Variants in SFMBT2 observed in about 807,000 individuals in gnomAD.
SFMBT2 encodes the protein Scm like with four mbt domains 2.
SFMBT2 carries 38 observed loss-of-function variants against 110.1 expected under a neutral mutation model. That is an observed-to-expected ratio of 0.35 (90% CI 0.27 to 0.45). The LOEUF (loss-of-function observed/expected upper bound fraction) is 0.45. SFMBT2 is among the 20% of genes least tolerant of loss of function. The probability of loss-of-function intolerance (pLI) is 1.00; values close to 1 mark genes in which losing one functional copy is unlikely to be tolerated. For synonymous variants in SFMBT2, 425 were observed against 425.4 expected (o/e 1.00, Z 0.01); for missense variants, 1,011 against 1,094.9 (o/e 0.92, Z 1.08).
intron 15 of SFMBT2, among the ~76,000 whole-genome samples, chr10:7,192,579 C>A (rs1411932776): frequency 6.6e-6 from 1 of 152,214 alleles, no homozygotes; most frequent in Non-Finnish European, 1.5e-5. Context: ...ACATGACAGA[C>A]TCCCCAGATG....
intron 6 of SFMBT2, chr10:7,277,319 A>G (rs1444601983): frequency 4.9e-6 from 1 of 206,036 alleles, no homozygotes; most frequent in African/African-American, 2.3e-5. Flanking sequence ...ATGGGCCAAA[A>G]TTCCACCTAT....
At chr10:7,264,701 A>T (rs1283691382) in intron 7 of SFMBT2, among the ~76,000 whole-genome samples, 1 of 152,002 alleles carries the variant, frequency 6.6e-6, no homozygotes, top group African/African-American at 2.4e-5. Context: ...AGCTACATAC[A>T]CTCCTGAGAA....
chr10:7,395,762 T>C (rs905531476), intron 1 of SFMBT2, among the ~76,000 whole-genome samples: 6 of 152,182 alleles, frequency 3.9e-5, no homozygotes, highest in Non-Finnish European at 8.8e-5. Flanking sequence ...GTTTTTGTTA[T>C]GTGGATGTAA....
intron 2 of SFMBT2, among the ~76,000 whole-genome samples, chr10:7,378,850 G>A (rs1845346990): frequency 6.6e-6 from 1 of 151,838 alleles, no homozygotes; most frequent in East Asian, 1.9e-4. Flanking sequence ...GTGGGTAGGA[G>A]GCTGTTGGGA....
At chr10:7,330,483 C>T (rs1284463556) in intron 4 of SFMBT2, among the ~76,000 whole-genome samples, 1 of 152,186 alleles carries the variant, frequency 6.6e-6, no homozygotes, top group Non-Finnish European at 1.5e-5. Flanking sequence ...ACATACACCA[C>T]CCACCCTGTC....
chr10:7,204,525 T>G (rs1839063759), intron 12 of SFMBT2: 3 of 539,218 alleles, frequency 5.6e-6, no homozygotes, highest in Non-Finnish European at 7.0e-6. Flanking sequence ...CAATGATTTA[T>G]TAGGTTAGAA....
At chr10:7,380,836 G>A (rs186342824) in intron 2 of SFMBT2, among the ~76,000 whole-genome samples, 1 of 152,180 alleles carries the variant, frequency 6.6e-6, no homozygotes, top group Admixed American at 6.5e-5. Context: ...GATCACTTGA[G>A]CCTAGTAGTT....
At chr10:7,215,835 A>C in intron 11 of SFMBT2, 4 of 598,550 alleles carry the variant, frequency 6.7e-6, no homozygotes, top group Non-Finnish European at 8.4e-6. Context: ...CACAGTAGAC[A>C]AACTCGCTAG....
chr10:7,348,693 T>C (rs960358847), intron 4 of SFMBT2, among the ~76,000 whole-genome samples: 2 of 152,246 alleles, frequency 1.3e-5, no homozygotes, highest in Non-Finnish European at 2.9e-5. Context: ...TTCTGTTGGA[T>C]GTAACCAGAT....
chr10:7,337,126 T>C (rs552053821), intron 4 of SFMBT2, among the ~76,000 whole-genome samples: 1 of 152,354 alleles, frequency 6.6e-6, no homozygotes, highest in Admixed American at 6.5e-5. Context: ...AGTGTCTCTA[T>C]TCCTGAGAGA....
intron 4 of SFMBT2, among the ~76,000 whole-genome samples, chr10:7,342,599 C>T (rs1843958207): frequency 6.6e-6 from 1 of 151,886 alleles, no homozygotes; most frequent in East Asian, 1.9e-4. Flanking sequence ...TTAATAGAGA[C>T]AGGGTTTCAC....
At chr10:7,393,559 T>C (rs916759684) in intron 1 of SFMBT2, among the ~76,000 whole-genome samples, 2 of 152,304 alleles carry the variant, frequency 1.3e-5, no homozygotes, top group African/African-American at 2.4e-5. Context: ...AGAACATACC[T>C]GAAAGTGCAC....
intron 1 of SFMBT2, among the ~76,000 whole-genome samples, chr10:7,388,524 A>ATTTTTTT (rs60231769): frequency 3.3e-3 from 366 of 112,062 alleles, no homozygotes; most frequent in African/African-American, 5.5e-3. Context: ...TACCCAGCTA[A>ATTTTTTT]TTTTTTTTTT....
chr10:7,199,024 G>A (rs978331579), intron 14 of SFMBT2, among the ~76,000 whole-genome samples: 1 of 152,190 alleles, frequency 6.6e-6, no homozygotes, highest in Non-Finnish European at 1.5e-5. Context: ...TGTTGCCCAG[G>A]CTGGAATGCA....
Position 7,268,722 on chromosome 10 carries a change from G to A in SFMBT2, c.870+8170C>T, listed in dbSNP as rs556964755. Among the ~76,000 whole-genome samples the A allele has an allele frequency of 8.5e-5, 13 of 152,298 alleles. No homozygotes were observed. In the South Asian group the frequency reaches 2.5e-3, roughly 29 times the overall value. On this transcript the variant is annotated intron_variant, in intron 7 of 20. Coordinates refer to ENST00000397167, the MANE Select transcript of SFMBT2 (RefSeq NM_001387889.1). Reference sequence around the variant, plus strand: ...GAAAGGGTTTCGCCATGTTGGCCAGGCTGGTCTCAAACTCCTGACCTCAGG... The same window carrying A: ...GAAAGGGTTTCGCCATGTTGGCCAGACTGGTCTCAAACTCCTGACCTCAGG...
At chr10:7,213,784 C>T (rs56703208) in intron 11 of SFMBT2, among the ~76,000 whole-genome samples, 5 of 142,286 alleles carry the variant, frequency 3.5e-5, no homozygotes, top group Non-Finnish European at 7.5e-5. Flanking sequence ...GATCCGTGTG[C>T]GAGGCCATGG....
chr10:7,400,223 C>T (rs568101859), intron 1 of SFMBT2, among the ~76,000 whole-genome samples: 15 of 152,234 alleles, frequency 9.9e-5, no homozygotes, highest in Admixed American at 2.6e-4. Context: ...AAGTTCACAG[C>T]GGTAGAGGGA....
chr10:7,339,994 C>T (rs1843840131), intron 4 of SFMBT2, among the ~76,000 whole-genome samples: 1 of 152,168 alleles, frequency 6.6e-6, no homozygotes, highest in African/African-American at 2.4e-5. Flanking sequence ...AGGGCCTTAA[C>T]ACTAACCAAT....
intron 4 of SFMBT2, among the ~76,000 whole-genome samples, chr10:7,358,473 C>T (rs1488013307): frequency 6.6e-6 from 1 of 151,112 alleles, no homozygotes; most frequent in Non-Finnish European, 1.5e-5. Context: ...GGAGGCATTG[C>T]CCTAGAACAC....
Sources: gnomAD v4.1 joint callset for allele counts (sites outside exome capture counted in the v4.1 genomes callset) on GRCh38, gnomAD v4.1.1 for gene constraint, MANE v1.5 for transcripts, NCBI Gene and HGNC (gene_info 2026-07-23, HGNC 2026-07-21) for gene names.